The following BRINP3 variants were observed in gnomAD, a reference collection of about 807,000 sequenced individuals.
BRINP3 encodes the protein BMP/retinoic acid inducible neural specific 3, also known as BMP/retinoic acid-inducible neural-specific protein 3.
BRINP3 carries 19 observed loss-of-function variants against 71.0 expected under a neutral mutation model. The ratio of observed to expected loss-of-function variants is 0.27; its 90% CI spans 0.19 to 0.39. BRINP3 has a LOEUF of 0.39. BRINP3 is among the 10% of genes least tolerant of loss of function. The pLI is 1.00. For missense variants in BRINP3, 959 were observed against 940.8 expected (o/e 1.02, Z -0.25); for synonymous variants, 380 against 337.7 (o/e 1.13, Z -1.37).
rs149380963 is a variant in BRINP3, at chr1:190,353,417, C to T, written c.237-71667G>A. Among the ~76,000 whole-genome samples the T allele has an allele frequency of 5.5e-3, 835 of 152,114 alleles. 5 individuals are homozygous for T. Among genetic ancestry groups the T allele is most frequent in the African/African-American group, 0.018 (764 of 41,536 alleles). On this transcript the variant is annotated intron_variant, in intron 2 of 7. Coordinates refer to ENST00000367462, the MANE Select transcript of BRINP3 (RefSeq NM_199051.3). ...AAGTGAGAAGATGCTAGAAGTATGTCAGCAGCATCACTTCACATTAAATGA... is the reference window on the plus strand; with the variant it reads ...AAGTGAGAAGATGCTAGAAGTATGTTAGCAGCATCACTTCACATTAAATGA...
intron 6 of BRINP3, among the ~76,000 whole-genome samples, chr1:190,207,770 A>T (rs1209426779): frequency 3.3e-5 from 5 of 152,172 alleles, no homozygotes; most frequent in African/African-American, 9.6e-5. Flanking sequence ...GATAATGAAC[A>T]AATTGATTTT....
intron 2 of BRINP3, among the ~76,000 whole-genome samples, chr1:190,378,401 T>C (rs916541397): frequency 6.6e-6 from 1 of 152,170 alleles, no homozygotes; most frequent in African/African-American, 2.4e-5. Context: ...CAGACCATTG[T>C]AGGCAATTCT....
intron 6 of BRINP3, among the ~76,000 whole-genome samples, chr1:190,170,145 A>G (rs1651887866): frequency 6.6e-6 from 1 of 152,134 alleles, no homozygotes; most frequent in Admixed American, 6.6e-5. Context: ...AAATATTATC[A>G]TATTCAATCT....
intron 4 of BRINP3, among the ~76,000 whole-genome samples, chr1:190,245,110 C>G (rs1031332785): frequency 3.9e-5 from 6 of 152,068 alleles, no homozygotes; most frequent in Admixed American, 2.0e-4. Flanking sequence ...ATTTGTCACC[C>G]AATTAAACAA....
chr1:190,128,929 A>C (rs938238734), intron 7 of BRINP3, among the ~76,000 whole-genome samples: 2 of 151,804 alleles, frequency 1.3e-5, no homozygotes, highest in African/African-American at 4.8e-5. Context: ...CCGGTTCTAC[A>C]GTAGAACATA....
intron 7 of BRINP3, among the ~76,000 whole-genome samples, chr1:190,099,830 GTTAGT>G (rs1289323486): frequency 3.3e-5 from 5 of 152,148 alleles, no homozygotes; most frequent in Non-Finnish European, 5.9e-5. Flanking sequence ...GGGTAAGTGT[GTTAGT>G]TTAATGTGTT....
chr1:190,355,437 T>C (rs1432351180), intron 2 of BRINP3, among the ~76,000 whole-genome samples: 1 of 151,852 alleles, frequency 6.6e-6, no homozygotes, highest in Non-Finnish European at 1.5e-5. Flanking sequence ...CCATTAGCAG[T>C]AGATGTGGCC....
At chr1:190,165,360 A>G (rs1558026433) in intron 6 of BRINP3, among the ~76,000 whole-genome samples, 1 of 146,228 alleles carries the variant, frequency 6.8e-6, no homozygotes, top group Non-Finnish European at 1.5e-5. Flanking sequence ...AAAAAAAAAA[A>G]GTATTACTTT....
chr1:190,307,195 T>A (rs1558166119), intron 2 of BRINP3, among the ~76,000 whole-genome samples: 1 of 151,230 alleles, frequency 6.6e-6, no homozygotes, highest in Non-Finnish European at 1.5e-5. Context: ...ATACAATATT[T>A]ATTAAATATT....
intron 2 of BRINP3, among the ~76,000 whole-genome samples, chr1:190,422,862 T>TA (rs1558273293): frequency 1.3e-5 from 2 of 151,988 alleles, no homozygotes; most frequent in East Asian, 3.9e-4. Context: ...TTTTGACATA[T>TA]ATGACTTACA....
At chr1:190,190,553 C>T (rs1437647912) in intron 6 of BRINP3, among the ~76,000 whole-genome samples, 1 of 152,052 alleles carries the variant, frequency 6.6e-6, no homozygotes, top group Non-Finnish European at 1.5e-5. Flanking sequence ...GCTCTGCTCC[C>T]TCTGTGAAGT....
Position 190,454,798 on chromosome 1 carries a change from C to G in BRINP3, c.93G>C (p.Ala31=). ...IALSLHCWVL[A]VAAVSDQHAT... ...CATGCTGATCCGAAACAGCAGCAACCGCTAAAACCCAGCAATGAAGACTCA... is the reference window on the plus strand; with the variant it reads ...CATGCTGATCCGAAACAGCAGCAACGGCTAAAACCCAGCAATGAAGACTCA... Residue 31 remains alanine, a synonymous_variant, in exon 2 of 8, where the codon GCG becomes GCC. Coordinates refer to ENST00000367462, the MANE Select transcript of BRINP3 (RefSeq NM_199051.3). 6.2e-7 allele frequency: 1 copy of G among 1,614,108 alleles called. No homozygotes were observed. The highest frequency in any genetic ancestry group is 1.1e-5 in the South Asian group (1 of 91,074).
intron 1 of BRINP3, 170 bp downstream of exon 1, chr1:190,477,278 T>C (rs1677561369): frequency 6.6e-6 from 1 of 152,214 alleles, no homozygotes; most frequent in Non-Finnish European, 1.5e-5. Context: ...ACATGGGTTA[T>C]GTCTTAGCAG....
chr1:190,259,919 T>C (rs1382929856), intron 4 of BRINP3, among the ~76,000 whole-genome samples: 2 of 151,146 alleles, frequency 1.3e-5, no homozygotes, highest in Non-Finnish European at 1.5e-5. Context: ...TCCCAGCTAC[T>C]TGGGAGGCTG....
chr1:190,199,565 T>A (rs1196668151), intron 6 of BRINP3, among the ~76,000 whole-genome samples: 1 of 152,082 alleles, frequency 6.6e-6, no homozygotes, highest in Non-Finnish European at 1.5e-5. Flanking sequence ...TTTTCTGTAA[T>A]ATTTGGAAAC....
chr1:190,367,518 A>G (rs1669587455), intron 2 of BRINP3, among the ~76,000 whole-genome samples: 1 of 152,212 alleles, frequency 6.6e-6, no homozygotes, highest in Non-Finnish European at 1.5e-5. Context: ...AGTGTTTAAC[A>G]TTCAGCTCCG....
At chr1:190,418,416 A>G (rs1307598765) in intron 2 of BRINP3, among the ~76,000 whole-genome samples, 1 of 152,034 alleles carries the variant, frequency 6.6e-6, no homozygotes, top group Non-Finnish European at 1.5e-5. Flanking sequence ...CGTATTCCAA[A>G]TATTTTCTAT....
intron 7 of BRINP3, among the ~76,000 whole-genome samples, chr1:190,140,705 A>G (rs1423807747): frequency 2.0e-5 from 3 of 152,198 alleles, no homozygotes; most frequent in Non-Finnish European, 4.4e-5. Flanking sequence ...CTGTATTTCA[A>G]AACAGCACAT....
chr1:190,119,462 G>C (rs1303444212), intron 7 of BRINP3, among the ~76,000 whole-genome samples: 1 of 151,980 alleles, frequency 6.6e-6, no homozygotes, highest in Non-Finnish European at 1.5e-5. Flanking sequence ...TTTTAGTAGA[G>C]ATGGGGTTTC....
Sources: gnomAD v4.1 joint callset for allele counts (sites outside exome capture counted in the v4.1 genomes callset) on GRCh38, gnomAD v4.1.1 for gene constraint, MANE v1.5 for transcripts, NCBI Gene and HGNC (gene_info 2026-07-23, HGNC 2026-07-21) for gene names.